SLC13A3: variants seen among roughly 807,000 people sequenced by gnomAD.
The protein encoded by SLC13A3 is Na(+)/dicarboxylate cotransporter 3.
SLC13A3 carries 40 observed loss-of-function variants against 59.0 expected under a neutral mutation model. That is an observed-to-expected ratio of 0.68 (90% CI 0.53 to 0.88). The LOEUF (loss-of-function observed/expected upper bound fraction) is 0.88. SLC13A3 is among the 40% of genes least tolerant of loss of function. The pLI is 0.00. For missense variants in SLC13A3, 699 were observed against 783.2 expected, an observed-to-expected ratio of 0.89 and a Z score of 1.28; for synonymous variants, 317 against 330.3, an observed-to-expected ratio of 0.96 and a Z score of 0.44.
chr20:46,565,049 A>T (rs566599065), intron 11 of SLC13A3, among the ~76,000 whole-genome samples: 2 of 152,350 alleles, frequency 1.3e-5, no homozygotes, highest in Admixed American at 6.5e-5. Flanking sequence ...ATTTAATTTT[A>T]TCAGCGTGGG....
chr20:46,596,135 C>A (rs764168490), intron 5 of SLC13A3, 22 bp downstream of exon 5: 28 of 1,607,180 alleles, frequency 1.7e-5, no homozygotes, highest in Middle Eastern at 2.0e-4. Context: ...CCCTCCCCGC[C>A]GGTGGGGACT....
chr20:46,636,097 G>A (rs948147066), intron 1 of SLC13A3, among the ~76,000 whole-genome samples: 19 of 152,274 alleles, frequency 1.2e-4, no homozygotes, highest in Admixed American at 2.6e-4. Context: ...GCTCAGTTGA[G>A]CAGCCTATGC....
chr20:46,651,699 G>A (rs2062953712), upstream of SLC13A3, among the ~76,000 whole-genome samples: 1 of 152,252 alleles, frequency 6.6e-6, no homozygotes, highest in East Asian at 1.9e-4. Context: ...GTGGCCTGGG[G>A]CAGCTGGCTT....
At position 46,610,576 on chromosome 20, in the gene SLC13A3, G is replaced by T. The variant is rs771607833; in HGVS notation, c.411C>A (p.Phe137Leu). Reference protein sequence around the residue: ...LILGMMVTTSFLSMWLSNTAS... With the variant: ...LILGMMVTTSLLSMWLSNTAS... ...CGGTGTTGCTCAGCCACATGGACAA[G>T]AACGAGGTGGTCACCATCATCCCCA... is the stretch of plus-strand genomic sequence containing the variant. Residue 137 changes from phenylalanine to leucine, a missense_variant, in exon 3 of 13, where the codon TTC becomes TTA. Transcript: ENST00000279027. 1 of 1,614,000 alleles carries T rather than the reference G, an allele frequency of 6.2e-7. No homozygotes were observed. Among genetic ancestry groups the T allele is most frequent in the Admixed American group, 1.7e-5 (1 of 60,004 alleles).
chr20:46,675,548 T>C (rs939481804), intron 1 of SLC13A3, among the ~76,000 whole-genome samples: 36 of 149,430 alleles, frequency 2.4e-4, no homozygotes, highest in African/African-American at 8.6e-4. Context: ...GCCCGGCCCC[T>C]TTTTTTTTCT....
At chr20:46,630,610 C>T (rs2062727171) in intron 1 of SLC13A3, among the ~76,000 whole-genome samples, 1 of 152,090 alleles carries the variant, frequency 6.6e-6, no homozygotes, top group Non-Finnish European at 1.5e-5. Flanking sequence ...CCTTTTGTTG[C>T]TTTTGTGGTT....
intron 3 of SLC13A3, among the ~76,000 whole-genome samples, chr20:46,600,892 A>G (rs749237553): frequency 6.6e-6 from 1 of 152,120 alleles, no homozygotes; most frequent in Non-Finnish European, 1.5e-5. Flanking sequence ...TGGAGAGGGG[A>G]GTAGGTGGGC....
At chr20:46,583,336 T>A in intron 9 of SLC13A3, 1 of 1,189,040 alleles carries the variant, frequency 8.4e-7, no homozygotes, top group Middle Eastern at 3.3e-4. Flanking sequence ...TCACAGGCTG[T>A]TCAAAAACAG....
chr20:46,600,931 G>A (rs957822679), intron 3 of SLC13A3, among the ~76,000 whole-genome samples: 1 of 152,240 alleles, frequency 6.6e-6, no homozygotes, highest in Non-Finnish European at 1.5e-5. Flanking sequence ...GACACTGTGT[G>A]CTGATGGCCT....
chr20:46,640,146 G>T (rs2062833289), intron 1 of SLC13A3, among the ~76,000 whole-genome samples: 2 of 152,226 alleles, frequency 1.3e-5, no homozygotes, highest in African/African-American at 4.8e-5. Context: ...TCGGGGGACA[G>T]AGGAGAGTGC....
At chr20:46,569,357 C>T (rs925789569) in intron 10 of SLC13A3, among the ~76,000 whole-genome samples, 1 of 152,080 alleles carries the variant, frequency 6.6e-6, no homozygotes, top group African/African-American at 2.4e-5. Flanking sequence ...CACAGTATTC[C>T]CAGGGACTCC....
intron 5 of SLC13A3, among the ~76,000 whole-genome samples, chr20:46,593,822 C>T (rs555957081): frequency 4.5e-4 from 69 of 152,066 alleles, no homozygotes; most frequent in Non-Finnish European, 8.5e-4. Flanking sequence ...GTGGCAAAAA[C>T]GTTAAATATA....
At chr20:46,649,572 G>A (rs920787321) in intron 1 of SLC13A3, among the ~76,000 whole-genome samples, 1 of 152,130 alleles carries the variant, frequency 6.6e-6, no homozygotes, top group African/African-American at 2.4e-5. Context: ...ATCAGTCAAG[G>A]CTCAGCCACC....
At chr20:46,583,711 CAGCGGGCCG>C (rs2062162417) in intron 8 of SLC13A3, 42 bp from the exon 9 acceptor site, 1 of 1,611,794 alleles carries the variant, frequency 6.2e-7, no homozygotes, top group Non-Finnish European at 8.5e-7. Context: ...ATGGGCATCT[CAGCGGGCCG>C]AGGTTTGGCA....
upstream of SLC13A3, among the ~76,000 whole-genome samples, chr20:46,652,547 A>ATTTTTTTTT (rs11471373): frequency 1.0e-4 from 12 of 117,798 alleles, no homozygotes; most frequent in African/African-American, 1.2e-4. Flanking sequence ...TATCTGGCTA[A>ATTTTTTTTT]TTTTTTTTTT....
chr20:46,595,918 T>C (rs1302040935), intron 5 of SLC13A3, among the ~76,000 whole-genome samples: 1 of 152,234 alleles, frequency 6.6e-6, no homozygotes, highest in African/African-American at 2.4e-5. Context: ...TGTATTTTTT[T>C]CCTAACTTAT....
intron 1 of SLC13A3, among the ~76,000 whole-genome samples, chr20:46,626,107 C>CTCTCTCTCTG: frequency 6.6e-6 from 1 of 151,312 alleles, no homozygotes; most frequent in Middle Eastern, 3.4e-3. Context: ...TTCTCTCTCT[C>CTCTCTCTCTG]TCTCTCTCTC....
chr20:46,639,604 A>AC (rs1390360299), intron 1 of SLC13A3, among the ~76,000 whole-genome samples: 2 of 152,208 alleles, frequency 1.3e-5, no homozygotes, highest in African/African-American at 2.4e-5. Flanking sequence ...TGAGATTTCC[A>AC]AACTCCCACT....
At chr20:46,656,257 T>G (rs139161303), upstream of SLC13A3, among the ~76,000 whole-genome samples, 1,070 of 138,164 alleles carry the variant, frequency 7.7e-3, 5 homozygotes, top group Non-Finnish European at 0.013. Context: ...TACTGTATAC[T>G]TATATAGACT....
Sources: gnomAD v4.1 joint callset for allele counts (sites outside exome capture counted in the v4.1 genomes callset) on GRCh38, gnomAD v4.1.1 for gene constraint, MANE v1.5 for transcripts, NCBI Gene and HGNC (gene_info 2026-07-23, HGNC 2026-07-21) for gene names.